The following B3GALT1 variants were observed in gnomAD, a reference collection of about 807,000 sequenced individuals.
B3GALT1 encodes beta-1,3-galactosyltransferase 1, also known as UDP-Gal:betaGlcNAc beta 1,3-galactosyltransferase, polypeptide 1.
In B3GALT1, 10 loss-of-function variants were observed where a neutral mutation model predicts 23.2. The observed-to-expected ratio is 0.43, with a 90% CI of 0.27 to 0.73. The LOEUF (loss-of-function observed/expected upper bound fraction) is 0.73, where lower values mean the gene tolerates loss of function less well. Ranked by LOEUF, B3GALT1 falls within the 30% of genes least tolerant of loss-of-function variation. B3GALT1 has a pLI of 0.21. For synonymous variants in B3GALT1, 156 were observed against 141.5 expected (o/e 1.10, Z -0.73); for missense variants, 299 against 405.4 (o/e 0.74, Z 2.25).
intron 4 of B3GALT1, among the ~76,000 whole-genome samples, chr2:167,868,348 A>C (rs897326744): frequency 6.6e-6 from 1 of 152,228 alleles, no homozygotes; most frequent in African/African-American, 2.4e-5. Context: ...TAGAGAAAGC[A>C]AGGAAATGTT....
intron 2 of B3GALT1, among the ~76,000 whole-genome samples, chr2:167,577,630 T>G (rs1684408685): frequency 6.6e-6 from 1 of 151,850 alleles, no homozygotes; most frequent in Non-Finnish European, 1.5e-5. Flanking sequence ...AATATTTTTT[T>G]TCCTGACTCA....
chr2:167,394,759 C>T (rs186105453), intron 1 of B3GALT1, among the ~76,000 whole-genome samples: 47 of 152,234 alleles, frequency 3.1e-4, no homozygotes, highest in African/African-American at 1.1e-3. Flanking sequence ...GACCAGAAGA[C>T]AAAATTGTAG....
intron 2 of B3GALT1, among the ~76,000 whole-genome samples, chr2:167,632,295 T>G (rs901018943): frequency 1.3e-5 from 2 of 152,144 alleles, no homozygotes; most frequent in African/African-American, 4.8e-5. Flanking sequence ...TTTATAATCC[T>G]TCAGGTATAT....
intron 1 of B3GALT1, among the ~76,000 whole-genome samples, chr2:167,421,216 AAATT>A (rs1559091465): frequency 1.3e-5 from 2 of 152,190 alleles, no homozygotes; most frequent in Non-Finnish European, 2.9e-5. Flanking sequence ...AACTTAGATA[AAATT>A]AGGAATTCTG....
intron 3 of B3GALT1, chr2:167,715,478 A>T: frequency 6.2e-7 from 1 of 1,608,322 alleles, no homozygotes; most frequent in Admixed American, 1.7e-5. Flanking sequence ...CATTGGAAGA[A>T]TCTTGCAGAT....
At chr2:167,632,810 A>G (rs574552420) in intron 2 of B3GALT1, among the ~76,000 whole-genome samples, 53 of 151,884 alleles carry the variant, frequency 3.5e-4, no homozygotes, top group Non-Finnish European at 5.9e-4. Context: ...ATTAGATCCC[A>G]TTTGTCAATT....
At chr2:167,568,911 G>A (rs532561914) in intron 2 of B3GALT1, among the ~76,000 whole-genome samples, 13 of 151,950 alleles carry the variant, frequency 8.6e-5, no homozygotes, top group Admixed American at 7.2e-4. Flanking sequence ...GTACCATAAG[G>A]TATGTGTTTA....
chr2:167,701,588 A>G (rs1271459894), intron 3 of B3GALT1, among the ~76,000 whole-genome samples: 1 of 152,146 alleles, frequency 6.6e-6, no homozygotes, highest in African/African-American at 2.4e-5. Context: ...TCCCCCAAGG[A>G]TTGTTAAATT....
At chr2:167,532,330 C>G (rs1293645345) in intron 2 of B3GALT1, among the ~76,000 whole-genome samples, 1 of 152,106 alleles carries the variant, frequency 6.6e-6, no homozygotes, top group Non-Finnish European at 1.5e-5. Context: ...GGCCATTGAA[C>G]CACATAATGT....
intron 1 of B3GALT1, among the ~76,000 whole-genome samples, chr2:167,440,117 G>A (rs1412643440): frequency 1.3e-5 from 2 of 151,846 alleles, no homozygotes; most frequent in African/African-American, 4.8e-5. Flanking sequence ...GCCGAGGCGG[G>A]CGGATCACGA....
chr2:167,309,854 G>C (rs533559503), intron 1 of B3GALT1, among the ~76,000 whole-genome samples: 1 of 152,060 alleles, frequency 6.6e-6, no homozygotes, highest in East Asian at 1.9e-4. Context: ...TCAAATGTTG[G>C]TTTTCAGTAA....
chr2:167,857,394 A>T (rs890428789), intron 4 of B3GALT1, among the ~76,000 whole-genome samples: 1 of 152,138 alleles, frequency 6.6e-6, no homozygotes. Context: ...ATGTGAGTAG[A>T]CTGTGGCAAA....
intron 2 of B3GALT1, among the ~76,000 whole-genome samples, chr2:167,627,011 A>G (rs1685358713): frequency 6.6e-6 from 1 of 151,684 alleles, no homozygotes; most frequent in Non-Finnish European, 1.5e-5. Context: ...ATCTGCCTAG[A>G]TGAATGCTCC....
intron 1 of B3GALT1, among the ~76,000 whole-genome samples, chr2:167,394,778 A>C (rs1278299610): frequency 2.0e-5 from 3 of 152,158 alleles, no homozygotes; most frequent in Non-Finnish European, 4.4e-5. Flanking sequence ...AGAACACAGA[A>C]TATTATTCTC....
At chr2:167,642,375 A>G (rs1035003709) in intron 2 of B3GALT1, among the ~76,000 whole-genome samples, 4 of 152,230 alleles carry the variant, frequency 2.6e-5, no homozygotes, top group African/African-American at 7.2e-5. Context: ...ATTTTGGACT[A>G]TAAAACCAGT....
At chr2:167,793,057 GA>G in intron 3 of B3GALT1, among the ~76,000 whole-genome samples, 1 of 152,154 alleles carries the variant, frequency 6.6e-6, no homozygotes, top group South Asian at 2.1e-4. Flanking sequence ...TATATAAACC[GA>G]AAAGGAGTTT....
intron 1 of B3GALT1, among the ~76,000 whole-genome samples, chr2:167,363,185 C>T (rs186686414): frequency 1.1e-4 from 17 of 151,426 alleles, no homozygotes; most frequent in Admixed American, 6.6e-4. Flanking sequence ...GTCTAGTATG[C>T]CAACTTTAAC....
At chr2:167,327,218 T>G (rs1385788327) in intron 1 of B3GALT1, among the ~76,000 whole-genome samples, 2 of 152,110 alleles carry the variant, frequency 1.3e-5, no homozygotes, top group Non-Finnish European at 2.9e-5. Flanking sequence ...CAAGACTGCT[T>G]TGGGCATTCT....
At chr2:167,547,705 A>AAAAAAAAAG (rs1683663992) in intron 2 of B3GALT1, among the ~76,000 whole-genome samples, 1 of 151,810 alleles carries the variant, frequency 6.6e-6, no homozygotes. Flanking sequence ...AAAAAAAAAA[A>AAAAAAAAAG]AAAAAAAAGA....
Sources: gnomAD v4.1 joint callset for allele counts (sites outside exome capture counted in the v4.1 genomes callset) on GRCh38, gnomAD v4.1.1 for gene constraint, MANE v1.5 for transcripts, NCBI Gene and HGNC (gene_info 2026-07-23, HGNC 2026-07-21) for gene names.